Variants in OR2L13 observed in about 807,000 individuals in gnomAD.
The protein encoded by OR2L13 is olfactory receptor 2L13.
A neutral mutation model predicts 15.3 loss-of-function variants in OR2L13; 14 were observed. The observed-to-expected ratio is 0.91, with a 90% CI of 0.60 to 1.43. OR2L13 has a LOEUF of 1.43. OR2L13 is among the 40% of genes most tolerant of loss of function. OR2L13 has a pLI of 0.00. For missense variants in OR2L13, 367 were observed against 387.9 expected, an observed-to-expected ratio of 0.95 and a Z score of 0.45; for synonymous variants, 152 against 142.9, an observed-to-expected ratio of 1.06 and a Z score of -0.45.
the OR2L13 span, chr1:248,084,619 C>T: frequency 6.4e-7 from 1 of 1,570,360 alleles, no homozygotes; most frequent in Non-Finnish European, 8.6e-7. Flanking sequence ...TGTGATGGTG[C>T]AAATGGAAAA....
At chr1:247,983,653 A>C in the OR2L13 span, among the ~76,000 whole-genome samples, 2 of 152,186 alleles carry the variant, frequency 1.3e-5, no homozygotes, top group African/African-American at 4.8e-5. Context: ...CTCTAATTTT[A>C]TTTAAATAAT....
chr1:247,969,105 G>A, the OR2L13 span, among the ~76,000 whole-genome samples: 2 of 152,266 alleles, frequency 1.3e-5, no homozygotes, highest in South Asian at 2.1e-4. Flanking sequence ...GTGATGATGA[G>A]CATTTTTTCA....
At chr1:248,061,622 A>T in the OR2L13 span, 1 of 1,608,126 alleles carries the variant, frequency 6.2e-7, no homozygotes. Context: ...AAAATGTAGA[A>T]ACATTTTCTA....
chr1:248,012,871 A>G, the OR2L13 span, among the ~76,000 whole-genome samples: 6 of 151,966 alleles, frequency 3.9e-5, no homozygotes, highest in Non-Finnish European at 8.8e-5. Context: ...GACTAATGCT[A>G]CTTTTTCAAG....
chr1:248,049,164 G>A, the OR2L13 span, among the ~76,000 whole-genome samples: 1 of 152,088 alleles, frequency 6.6e-6, no homozygotes, highest in Non-Finnish European at 1.5e-5. Flanking sequence ...CTGCACAGTC[G>A]TGAATAACTC....
chr1:248,007,539 C>T, the OR2L13 span, among the ~76,000 whole-genome samples: 1 of 152,282 alleles, frequency 6.6e-6, no homozygotes, highest in South Asian at 2.1e-4. Context: ...AGAATATACA[C>T]AAGATAATTT....
chr1:248,084,594 C>T, the OR2L13 span: 168 of 1,602,514 alleles, frequency 1.0e-4, no homozygotes, highest in Non-Finnish European at 1.3e-4. Flanking sequence ...TTCTCATCTC[C>T]ATAATTTCCC....
the OR2L13 span, among the ~76,000 whole-genome samples, chr1:247,984,768 T>G: frequency 6.6e-6 from 1 of 152,184 alleles, no homozygotes; most frequent in Non-Finnish European, 1.5e-5. Flanking sequence ...CTATTTTAAG[T>G]GTGGAATTCG....
the OR2L13 span, among the ~76,000 whole-genome samples, chr1:248,058,307 G>C: frequency 1.3e-5 from 2 of 152,052 alleles, no homozygotes; most frequent in African/African-American, 4.8e-5. Flanking sequence ...GATAATGCTT[G>C]ATTTTCTATA....
At chr1:248,080,202 A>T in the OR2L13 span, among the ~76,000 whole-genome samples, 1 of 152,220 alleles carries the variant, frequency 6.6e-6, no homozygotes. Context: ...TGTATTAAAT[A>T]AATCTGTATT....
chr1:247,961,428 G>A, the OR2L13 span, among the ~76,000 whole-genome samples: 1 of 152,182 alleles, frequency 6.6e-6, no homozygotes. Context: ...GATGAGAAAG[G>A]ATGGGAATGT....
chr1:248,023,193 G>T, the OR2L13 span: 29 of 184,138 alleles, frequency 1.6e-4, no homozygotes, highest in Admixed American at 7.2e-4. Context: ...CAGCATAATA[G>T]TTATATGTTA....
At chr1:248,010,010 G>T in the OR2L13 span, among the ~76,000 whole-genome samples, 1 of 152,136 alleles carries the variant, frequency 6.6e-6, no homozygotes, top group Non-Finnish European at 1.5e-5. Flanking sequence ...TTCACAGAAC[G>T]TATCTCAAAA....
At chr1:248,071,284 A>C in the OR2L13 span, among the ~76,000 whole-genome samples, 1 of 152,114 alleles carries the variant, frequency 6.6e-6, no homozygotes, top group Non-Finnish European at 1.5e-5. Context: ...CACCATGATC[A>C]AGTGGGCTTC....
chr1:248,002,886 C>T, the OR2L13 span, among the ~76,000 whole-genome samples: 7 of 151,986 alleles, frequency 4.6e-5, no homozygotes, highest in Non-Finnish European at 1.0e-4. Flanking sequence ...GGTGGATTCC[C>T]CCCTTTTCAA....
the OR2L13 span, chr1:248,021,806 A>G: frequency 3.8e-3 from 2,164 of 566,166 alleles, 38 homozygotes; most frequent in African/African-American, 0.036. Flanking sequence ...GATATAAAAA[A>G]TAGTGTATAT....
chr1:248,033,136 C>T, the OR2L13 span, among the ~76,000 whole-genome samples: 1 of 152,072 alleles, frequency 6.6e-6, no homozygotes, highest in African/African-American at 2.4e-5. Context: ...CATCATAAAT[C>T]GAGAAGCCTC....
At chr1:247,990,786 C>T in the OR2L13 span, 5 of 1,603,018 alleles carry the variant, frequency 3.1e-6, no homozygotes, top group Non-Finnish European at 4.3e-6. Context: ...CCAGAGCCAT[C>T]AATCATTTTT....
the OR2L13 span, among the ~76,000 whole-genome samples, chr1:247,967,045 C>CCACACACACACACACACACACA: frequency 0.052 from 7,648 of 147,382 alleles, 265 homozygotes; most frequent in Admixed American, 0.098. Context: ...ACACCACACA[C>CCACACACACACACACACACACA]CACACACACA....
Sources: gnomAD v4.1 joint callset for allele counts (sites outside exome capture counted in the v4.1 genomes callset) on GRCh38, gnomAD v4.1.1 for gene constraint, MANE v1.5 for transcripts, NCBI Gene and HGNC (gene_info 2026-07-23, HGNC 2026-07-21) for gene names.